The following RASD2 variants were observed in gnomAD, a reference collection of about 807,000 sequenced individuals.
RASD2 encodes the protein RASD family member 2.
In RASD2, 7 loss-of-function variants were observed where a neutral mutation model predicts 15.8. The ratio of observed to expected loss-of-function variants is 0.44; its 90% CI spans 0.25 to 0.83. The LOEUF (loss-of-function observed/expected upper bound fraction) is 0.83, where lower values mean the gene tolerates loss of function less well. Ranked by LOEUF, RASD2 falls within the 40% of genes least tolerant of loss-of-function variation. RASD2 has a pLI of 0.20. For synonymous variants in RASD2, 155 were observed against 153.6 expected (o/e 1.01, Z -0.07); for missense variants, 274 against 382.8 (o/e 0.72, Z 2.37).
chr22:35,539,685 A>G (rs1335950189), upstream of RASD2, among the ~76,000 whole-genome samples: 2 of 152,104 alleles, frequency 1.3e-5, no homozygotes, highest in Non-Finnish European at 2.9e-5. Flanking sequence ...TTTAACTCTT[A>G]CTTTCTATTT....
chr22:35,535,567 T>G, the RASD2 span, among the ~76,000 whole-genome samples: 1 of 152,124 alleles, frequency 6.6e-6, no homozygotes, highest in Non-Finnish European at 1.5e-5. Flanking sequence ...GGCAGCTCCA[T>G]GGAGCACAGA....
At chr22:35,535,319 G>A in the RASD2 span, among the ~76,000 whole-genome samples, 4 of 151,306 alleles carry the variant, frequency 2.6e-5, no homozygotes, top group South Asian at 2.1e-4. Context: ...TGGGAGGATC[G>A]CTTGAGCCCA....
At chr22:35,534,311 C>G in the RASD2 span, among the ~76,000 whole-genome samples, 21 of 152,204 alleles carry the variant, frequency 1.4e-4, no homozygotes, top group African/African-American at 1.9e-4. Context: ...CTGCTGTATC[C>G]GAGAGCAGAT....
intron 1 of RASD2, among the ~76,000 whole-genome samples, chr22:35,544,030 G>A (rs188413466): frequency 3.3e-4 from 47 of 143,462 alleles, no homozygotes; most frequent in African/African-American, 9.9e-4. Context: ...GATTCTCTGC[G>A]TCTTTGACTC....
intron 2 of RASD2, among the ~76,000 whole-genome samples, chr22:35,550,440 C>CAAAAA (rs397838574): frequency 1.1e-4 from 7 of 64,266 alleles, no homozygotes; most frequent in East Asian, 9.3e-4. Flanking sequence ...GACTCCATCT[C>CAAAAA]AAAAAAAAAA....
rs933450874 is a variant in RASD2, at chr22:35,552,318, T to G, written c.*286T>G. The stretch of plus-strand genomic sequence containing the variant: ...AGACTCAAGTTACACCTTCCTCTCC[T>G]GGGGTTGGAAGAAATGTTGATGCCA... On this transcript the variant is annotated 3_prime_UTR_variant, in exon 3 of 3. Transcript: ENST00000216127. 4.2e-6 allele frequency: 2 copies of G among 476,230 alleles called. No homozygotes were observed. Among genetic ancestry groups the G allele is most frequent in the Non-Finnish European group, 7.5e-6 (2 of 266,546 alleles). The allele number at this position is 476,230 out of a possible 1,614,324, so 29.5% of individuals were successfully genotyped here. A position where few individuals can be genotyped will look rare whatever the true frequency, so the allele number is the denominator to read the frequency against.
chr22:35,553,636 C>T lies in RASD2; in HGVS notation c.*1604C>T, dbSNP rs1934738272. 1 of 152,160 alleles carries T rather than the reference C, an allele frequency of 6.6e-6. No homozygotes were observed. 9.4% of individuals were successfully genotyped at this position (152,160 alleles called of 1,614,324 possible). A position where few individuals can be genotyped will look rare whatever the true frequency, so the allele number is the denominator to read the frequency against. On this transcript the variant is annotated 3_prime_UTR_variant, in exon 3 of 3. Coordinates refer to ENST00000216127, the MANE Select transcript of RASD2 (RefSeq NM_014310.4). The stretch of plus-strand genomic sequence containing the variant: ...CTTGATGCTTGGCCCCTGGGGCCTT[C>T]AGGGCTTTGGGACATCTTGTCCTCA...
In RASD2 at chr22:35,552,880, C is replaced by G. The variant is rs538289691; in HGVS notation, c.*848C>G. On this transcript the variant is annotated 3_prime_UTR_variant, in exon 3 of 3. Coordinates refer to ENST00000216127, the MANE Select transcript of RASD2 (RefSeq NM_014310.4). ...CTCCTCTGCTCCCAAACAGGGTTTC[C>G]GTGGCCTGTTTGCAGCTAGACATTG... 6.6e-6 allele frequency: 1 copy of G among 152,636 alleles called. No homozygotes were observed. The highest frequency in any genetic ancestry group is 1.5e-5 in the Non-Finnish European group (1 of 68,104). 9.5% of individuals were successfully genotyped at this position (152,636 alleles called of 1,614,324 possible). A position where few individuals can be genotyped will look rare whatever the true frequency, so the allele number is the denominator to read the frequency against.
At chr22:35,538,578 G>A (rs149110012), upstream of RASD2, among the ~76,000 whole-genome samples, 167 of 152,314 alleles carry the variant, frequency 1.1e-3, no homozygotes, top group African/African-American at 3.9e-3. Flanking sequence ...TACCAGGAGT[G>A]GGGGAGGGCA....
chr22:35,532,812 G>A, the RASD2 span, among the ~76,000 whole-genome samples: 8 of 152,144 alleles, frequency 5.3e-5, no homozygotes, highest in African/African-American at 1.4e-4. Context: ...GGAGGGTCGT[G>A]CTAATTCCCA....
At chr22:35,547,772 G>A (rs1336850770) in intron 2 of RASD2, among the ~76,000 whole-genome samples, 3 of 152,138 alleles carry the variant, frequency 2.0e-5, no homozygotes, top group Admixed American at 6.5e-5. Flanking sequence ...GTGCCACCAT[G>A]CCCGGCTAAT....
At chr22:35,544,044 G>A (rs946449710) in intron 1 of RASD2, among the ~76,000 whole-genome samples, 3 of 151,982 alleles carry the variant, frequency 2.0e-5, no homozygotes, top group Non-Finnish European at 4.4e-5. Flanking sequence ...TTGACTCCCT[G>A]CCTCCTCTCT....
At chr22:35,535,475 C>A in the RASD2 span, among the ~76,000 whole-genome samples, 6 of 152,036 alleles carry the variant, frequency 3.9e-5, no homozygotes, top group Non-Finnish European at 4.4e-5. Context: ...TTATCCAAAT[C>A]TATTGGAACC....
chr22:35,544,026 C>G (rs1352622486), intron 1 of RASD2, among the ~76,000 whole-genome samples: 2 of 151,496 alleles, frequency 1.3e-5, no homozygotes, highest in Non-Finnish European at 2.9e-5. Flanking sequence ...CTCCGATTCT[C>G]TGCGTCTTTG....
chr22:35,541,868 C>A (rs1324909629), intron 1 of RASD2, among the ~76,000 whole-genome samples: 7 of 152,192 alleles, frequency 4.6e-5, no homozygotes, highest in Non-Finnish European at 8.8e-5. Flanking sequence ...GAGTCAACTA[C>A]CACAAACACT....
Position 35,546,805 on chromosome 22 carries a change from G to T in RASD2, c.-5G>T. On this transcript the variant is annotated 5_prime_UTR_variant, in exon 2 of 3. Coordinates refer to ENST00000216127, the MANE Select transcript of RASD2 (RefSeq NM_014310.4). ...GCTTCTCTCGCTTTGTTGCAGCCCCGAGCCATGATGAAGACTTTGTCCAGC... is the reference window on the plus strand; with the variant it reads ...GCTTCTCTCGCTTTGTTGCAGCCCCTAGCCATGATGAAGACTTTGTCCAGC... 4 of 1,612,678 alleles carry T rather than the reference G, an allele frequency of 2.5e-6. No individual in the cohort carries two copies. Among genetic ancestry groups the T allele is most frequent in the Non-Finnish European group, 3.4e-6 (4 of 1,179,234 alleles).
chr22:35,551,389 A>G lies in RASD2; in HGVS notation c.272-114A>G. 1 of 1,050,638 alleles carries G rather than the reference A, an allele frequency of 9.5e-7. No homozygotes were observed. The highest frequency in any genetic ancestry group is 2.4e-5 in the East Asian group (1 of 41,698). 65.1% of individuals were successfully genotyped at this position (1,050,638 alleles called of 1,614,324 possible). A position where few individuals can be genotyped will look rare whatever the true frequency, so the allele number is the denominator to read the frequency against. Reference sequence around the variant, plus strand: ...GTAGGTTAAAGCAGTTATGCCGCATAACTGCTTCAGGGCACCTGTGACTCC... The same window carrying G: ...GTAGGTTAAAGCAGTTATGCCGCATGACTGCTTCAGGGCACCTGTGACTCC... On this transcript the variant is annotated intron_variant, in intron 2 of 2. Transcript: ENST00000216127. This position sits in a 1 kb window ranked among gnomAD's most constrained non-coding sequence, Gnocchi z 4.9.
At position 35,551,381 on chromosome 22, in the gene RASD2, T is replaced by G. The variant is rs764333042; in HGVS notation, c.272-122T>G. 2.2e-6 allele frequency: 2 copies of G among 928,868 alleles called. No individual in the cohort carries two copies. The highest frequency in any genetic ancestry group is 3.3e-6 in the Non-Finnish European group (2 of 599,606). The allele number at this position is 928,868 out of a possible 1,614,324, so 57.5% of individuals were successfully genotyped here. ...GTCGCTGTGTAGGTTAAAGCAGTTATGCCGCATAACTGCTTCAGGGCACCT... is the reference window on the plus strand; with the variant it reads ...GTCGCTGTGTAGGTTAAAGCAGTTAGGCCGCATAACTGCTTCAGGGCACCT... On this transcript the variant is annotated intron_variant, in intron 2 of 2. Coordinates refer to ENST00000216127, the MANE Select transcript of RASD2 (RefSeq NM_014310.4). The surrounding 1 kb of genome is among the most constrained non-coding windows in gnomAD (Gnocchi z 4.9).
Position 35,551,009 on chromosome 22 carries a change from T to G in RASD2, c.272-494T>G, listed in dbSNP as rs1934650415. Reference sequence around the variant, plus strand: ...CAAAATCATCCTGCAAGGTAATATTTCATCTTCATGAAACAGACAGAGAAA... The same window carrying G: ...CAAAATCATCCTGCAAGGTAATATTGCATCTTCATGAAACAGACAGAGAAA... On this transcript the variant is annotated intron_variant, in intron 2 of 2. Transcript: ENST00000216127. This position sits in a 1 kb window ranked among gnomAD's most constrained non-coding sequence, Gnocchi z 4.9. Among the ~76,000 whole-genome samples the G allele has an allele frequency of 6.6e-6, 1 of 152,228 alleles. No individual in the cohort carries two copies. The highest frequency in any genetic ancestry group is 2.1e-4 in the South Asian group (1 of 4,834).
Sources: allele counts gnomAD v4.1 joint callset (sites outside exome capture counted in the v4.1 genomes callset), GRCh38; gene constraint gnomAD v4.1.1; non-coding constraint Gnocchi (gnomAD v3.1); transcripts MANE v1.5; gene names NCBI Gene and HGNC (gene_info 2026-07-23, HGNC 2026-07-21).